NLRP4: variants seen among roughly 807,000 people sequenced by gnomAD.
NLRP4 encodes NLR family pyrin domain containing 4.
Under a neutral mutation model 84.7 loss-of-function variants are expected in NLRP4, and 44 were observed. The observed-to-expected ratio is 0.52, with a 90% CI of 0.41 to 0.67. NLRP4 has a LOEUF of 0.67. NLRP4 is among the 30% of genes least tolerant of loss of function. The probability of loss-of-function intolerance (pLI) is 0.00; values close to 1 mark genes in which losing one functional copy is unlikely to be tolerated. For synonymous variants in NLRP4, 544 were observed against 476.4 expected, an observed-to-expected ratio of 1.14 and a Z score of -1.85; for missense variants, 1,260 against 1,219.4, an observed-to-expected ratio of 1.03 and a Z score of -0.50.
At chr19:55,852,480 T>A in intron 2 of NLRP4, 120 bp downstream of exon 2, 1 of 561,238 alleles carries the variant, frequency 1.8e-6, no homozygotes, top group African/African-American at 2.0e-5. Context: ...TATTAGGTTT[T>A]TTTTTTTTTT....
At chr19:55,853,187 C>G (rs548773000) in intron 2 of NLRP4, among the ~76,000 whole-genome samples, 4 of 152,362 alleles carry the variant, frequency 2.6e-5, no homozygotes, top group African/African-American at 7.2e-5. Context: ...ATAGCTCTTT[C>G]AACTTTACTG....
chr19:55,871,129 G>A (rs1218603425), intron 7 of NLRP4, 132 bp downstream of exon 7: 5 of 720,534 alleles, frequency 6.9e-6, no homozygotes, highest in South Asian at 2.0e-5. Flanking sequence ...AAAAATACTT[G>A]CTTCAGATTC....
intron 5 of NLRP4, among the ~76,000 whole-genome samples, chr19:55,867,426 C>T (rs1296516469): frequency 2.1e-5 from 3 of 145,356 alleles, no homozygotes; most frequent in East Asian, 2.1e-4. Flanking sequence ...CCCCAGAGAC[C>T]GTAAGCCAAG....
chr19:55,872,091 G>A (rs1001059071), intron 7 of NLRP4, among the ~76,000 whole-genome samples: 15 of 152,016 alleles, frequency 9.9e-5, no homozygotes, highest in African/African-American at 2.4e-4. Context: ...CTCGTGATCC[G>A]CCCGCCTCGG....
chr19:55,845,564 A>G (rs1983761205), intron 1 of NLRP4, among the ~76,000 whole-genome samples: 1 of 151,992 alleles, frequency 6.6e-6, no homozygotes, highest in South Asian at 2.1e-4. Flanking sequence ...GCTGGGTCAA[A>G]TGGTATTTCT....
rs921353006 is a variant in NLRP4 at position 55,849,938 on chromosome 19, C to T, written c.-65-2078C>T. ...AGCCGCGGTGTAATTTCCGTAGCCGCGGTGTAATTTCCGAGACTGCGGTGT... is the reference window on the plus strand; with the variant it reads ...AGCCGCGGTGTAATTTCCGTAGCCGTGGTGTAATTTCCGAGACTGCGGTGT... On this transcript the variant is annotated intron_variant, in intron 1 of 9. Transcript: ENST00000301295. Among the ~76,000 whole-genome samples the T allele has an allele frequency of 4.8e-5, 6 of 126,162 alleles. No individual in the cohort carries two copies. The East Asian group carries it at 6.4e-4, about 13-fold the overall frequency. The allele number at this position is 126,162 out of a possible 152,430, so 82.8% of individuals were successfully genotyped here.
chr19:55,839,959 A>G (rs1364081864), intron 1 of NLRP4, among the ~76,000 whole-genome samples: 1 of 152,202 alleles, frequency 6.6e-6, no homozygotes, highest in African/African-American at 2.4e-5. Context: ...CTTTATTCAT[A>G]GATTACTTAG....
chr19:55,876,653 G>A (rs554725360), intron 7 of NLRP4, among the ~76,000 whole-genome samples: 4 of 152,116 alleles, frequency 2.6e-5, no homozygotes, highest in South Asian at 2.1e-4. Context: ...ATGAGCCACC[G>A]CATCTGGCCT....
chr19:55,849,834 C>T (rs1458080725), intron 1 of NLRP4, among the ~76,000 whole-genome samples: 2 of 150,224 alleles, frequency 1.3e-5, no homozygotes, highest in African/African-American at 4.9e-5. Context: ...ATTTCCGAAG[C>T]TGCGGTGTAA....
intron 7 of NLRP4, among the ~76,000 whole-genome samples, chr19:55,874,900 T>C (rs1427977670): frequency 6.6e-6 from 1 of 152,156 alleles, no homozygotes; most frequent in African/African-American, 2.4e-5. Context: ...TCCATAAATG[T>C]ATTAAAAGAA....
At position 55,870,924 on chromosome 19, in the gene NLRP4, G is replaced by T; in HGVS notation, c.2452G>T (p.Val818Phe). 3 of 1,614,090 alleles carry T rather than the reference G, an allele frequency of 1.9e-6. No individual in the cohort carries two copies. Among genetic ancestry groups the T allele is most frequent in the Non-Finnish European group, 2.5e-6 (3 of 1,179,948 alleles). ...GCGCTATCTAGACCTCAGTGCCAAT[G>T]TCCTGAAGGACGAAGGACTGAAAAC... ...SVRYLDLSANVLKDEGLKTLC... is the reference protein window; with the variant it reads ...SVRYLDLSANFLKDEGLKTLC... The change falls in exon 7 of 10, where the codon GTC becomes TTC. Residue 818 changes from valine to phenylalanine, a missense_variant. This residue lies in a region of NLRP4 where 544 missense variants were observed against 531.7 expected (regional missense o/e 1.02). Transcript: ENST00000301295.
chr19:55,881,318 T>C, intron 9 of NLRP4, 152 bp from the exon 10 acceptor site: 2 of 530,480 alleles, frequency 3.8e-6, no homozygotes, highest in South Asian at 5.0e-5. Flanking sequence ...TTTATCAGCA[T>C]ACCGCTGCAT....
chr19:55,881,616 C>G lies in NLRP4; in HGVS notation c.*29C>G. 9.2e-7 allele frequency: 1 copy of G among 1,084,382 alleles called. No homozygotes were observed. Among genetic ancestry groups the G allele is most frequent in the Non-Finnish European group, 1.4e-6 (1 of 703,820 alleles). The allele number at this position is 1,084,382 out of a possible 1,614,324, so 67.2% of individuals were successfully genotyped here. A position where few individuals can be genotyped will look rare whatever the true frequency, so the allele number is the denominator to read the frequency against. ...CGAGGAACCTGGGCTCTGACTCGAA[C>G]ACCTGCAAAGGACAGGGACTGGGAC... On this transcript the variant is annotated 3_prime_UTR_variant, in exon 10 of 10. Coordinates refer to ENST00000301295, the MANE Select transcript of NLRP4 (RefSeq NM_134444.5).
At position 55,858,724 on chromosome 19, in the gene NLRP4, G is replaced by C; in HGVS notation, c.1331G>C (p.Arg444Pro). 1 of 1,614,050 alleles carries C rather than the reference G, an allele frequency of 6.2e-7. No homozygotes were observed. The highest frequency in any genetic ancestry group is 1.1e-5 in the South Asian group (1 of 91,076). The change falls in exon 3 of 10, where the codon CGT (arginine) becomes CCT (proline). Residue 444 changes from arginine (R) to proline (P), a missense_variant. Arg to Pro is a moderately radical substitution (Grantham distance 103). Coordinates refer to ENST00000301295, the MANE Select transcript of NLRP4 (RefSeq NM_134444.5). The surrounding 1 kb of genome is among the most constrained non-coding windows in gnomAD (Gnocchi z 4.2). Reference sequence around the variant, plus strand: ...AAGATACTTCTGAAGTACGGGGAGCGTGAGAGCTCCTACGTGTTCCTCCAC... The same window carrying C: ...AAGATACTTCTGAAGTACGGGGAGCCTGAGAGCTCCTACGTGTTCCTCCAC... ...GTKILLKYGE[R>P]ESSYVFLHVC...
At chr19:55,880,944 C>T (rs762604302) in intron 9 of NLRP4, among the ~76,000 whole-genome samples, 5 of 152,076 alleles carry the variant, frequency 3.3e-5, no homozygotes, top group Admixed American at 1.3e-4. Flanking sequence ...CCCAGGTACT[C>T]GGATAATGGA....
intron 1 of NLRP4, among the ~76,000 whole-genome samples, chr19:55,846,517 G>A (rs1481984403): frequency 6.6e-6 from 1 of 152,264 alleles, no homozygotes; most frequent in African/African-American, 2.4e-5. Flanking sequence ...CTTTAAGTCA[G>A]TGGTTTTCAA....
At chr19:55,880,917 T>G (rs1023592243) in intron 9 of NLRP4, among the ~76,000 whole-genome samples, 1 of 152,206 alleles carries the variant, frequency 6.6e-6, no homozygotes, top group African/African-American at 2.4e-5. Flanking sequence ...GTAAAAAGCC[T>G]TAGCAGAGGG....
intron 1 of NLRP4, among the ~76,000 whole-genome samples, chr19:55,846,684 G>A (rs1983808559): frequency 6.6e-6 from 1 of 152,142 alleles, no homozygotes; most frequent in Non-Finnish European, 1.5e-5. Context: ...GTCTAGGGAA[G>A]GACCTGGGGA....
chr19:55,858,579 C>T lies in NLRP4; in HGVS notation c.1186C>T (p.Leu396=), dbSNP rs748203535. 5 of 1,614,080 alleles carry T rather than the reference C, an allele frequency of 3.1e-6. No homozygotes were observed. Among genetic ancestry groups the T allele is most frequent in the Non-Finnish European group, 4.2e-6 (5 of 1,180,026 alleles). Residue 396 remains leucine, a synonymous_variant, in exon 3 of 10, where the codon CTG becomes TTG. Transcript: ENST00000301295. This position sits in a 1 kb window ranked among gnomAD's most constrained non-coding sequence, Gnocchi z 4.2. ...EGPTPQTQHQ[L]KALCSLAAEG... Reference sequence around the variant, plus strand: ...CCCGACTCCGCAAACCCAGCACCAGCTGAAGGCCCTGTGCTCCCTGGCTGC... The same window carrying T: ...CCCGACTCCGCAAACCCAGCACCAGTTGAAGGCCCTGTGCTCCCTGGCTGC...
Sources: gnomAD v4.1 joint callset for allele counts (sites outside exome capture counted in the v4.1 genomes callset) on GRCh38, gnomAD v4.1.1 for gene constraint, gnomAD v4.1.1 regional missense constraint, Gnocchi (gnomAD v3.1) non-coding constraint, MANE v1.5 for transcripts, NCBI Gene and HGNC (gene_info 2026-07-23, HGNC 2026-07-21) for gene names.